GRIN2C: variants seen among roughly 807,000 people sequenced by gnomAD.
The protein encoded by GRIN2C is glutamate ionotropic receptor NMDA type subunit 2C, also known as glutamate receptor ionotropic, NMDA 2C.
In GRIN2C, 64 loss-of-function variants were observed where a neutral mutation model predicts 77.7. The observed-to-expected ratio is 0.82, with a 90% CI of 0.67 to 1.01. The LOEUF (loss-of-function observed/expected upper bound fraction) is 1.01, where lower values mean the gene tolerates loss of function less well. Among genes scored for constraint, GRIN2C ranks in the 50% least tolerant of loss-of-function variants. GRIN2C has a pLI of 0.00. For synonymous variants in GRIN2C, 792 were observed against 643.4 expected (o/e 1.23, Z -3.49); for missense variants, 1,549 against 1,486.0 (o/e 1.04, Z -0.70).
upstream of GRIN2C, among the ~76,000 whole-genome samples, chr17:74,860,257 T>G (rs1297905061): frequency 6.6e-6 from 1 of 152,228 alleles, no homozygotes; most frequent in Non-Finnish European, 1.5e-5. Flanking sequence ...GCCAGCGGAA[T>G]GGTACCCTCC....
chr17:74,858,472 C>CA (rs891198318), intron 1 of GRIN2C, among the ~76,000 whole-genome samples: 1 of 151,934 alleles, frequency 6.6e-6, no homozygotes, highest in African/African-American at 2.4e-5. Flanking sequence ...CCCTGGGCTC[C>CA]AAATAGCAAG....
chr17:74,847,425 C>G lies in GRIN2C; in HGVS notation c.1884G>C (p.Met628Ile), dbSNP rs1193235675. Reference protein sequence around the residue: ...ENPRGTTSKIMVLVWAFFAVI... With the variant: ...ENPRGTTSKIIVLVWAFFAVI... ...CAGCAAAGAAGGCCCAGACCAGAAC[C>G]ATGATCTTGCTGGTGGTGCCCCGCG... Residue 628 changes from methionine to isoleucine, a missense_variant, in exon 9 of 13, where the codon ATG becomes ATC. By Grantham distance (10) the Met-to-Ile change is conservative. Around this residue, in one of 3 missense-constraint regions of GRIN2C, gnomAD observed 717 missense variants for 858.1 expected, o/e 0.84. Transcript: ENST00000293190. This position sits in a 1 kb window ranked among gnomAD's most constrained non-coding sequence, Gnocchi z 5.2. The G allele has an allele frequency of 6.2e-7, 1 of 1,614,098 alleles. No individual in the cohort carries two copies. Among genetic ancestry groups the G allele is most frequent in the Admixed American group, 1.7e-5 (1 of 60,026 alleles).
chr17:74,860,024 C>T (rs1164277433), upstream of GRIN2C: 1 of 152,626 alleles, frequency 6.6e-6, no homozygotes, highest in East Asian at 1.9e-4. Flanking sequence ...GCCCCCACCC[C>T]CACTCCCCCA....
chr17:74,844,344 C>A lies in GRIN2C; in HGVS notation c.2515G>T (p.Val839Phe), dbSNP rs1426843961. ...ACCGAGTGGCGCAGCTTCCAGTAGACCAGGTGCTCCCAGGCGAAGACCAGC... is the reference window on the plus strand; with the variant it reads ...ACCGAGTGGCGCAGCTTCCAGTAGAACAGGTGCTCCCAGGCGAAGACCAGC... ...ALLVFAWEHL[V>F]YWKLRHSVPN... The change falls in exon 12 of 13, where the codon GTC becomes TTC. Residue 839 changes from valine (V) to phenylalanine (F), a missense_variant. Coordinates refer to ENST00000293190, the MANE Select transcript of GRIN2C (RefSeq NM_000835.6). 3 of 1,614,154 alleles carry A rather than the reference C, an allele frequency of 1.9e-6. No individual in the cohort carries two copies. In the South Asian group the frequency reaches 3.3e-5, roughly 18 times the overall value.
In GRIN2C at chr17:74,850,664, G is replaced by C; in HGVS notation, c.1217C>G (p.Ala406Gly). The C allele has an allele frequency of 6.2e-7, 1 of 1,613,668 alleles. No homozygotes were observed. The highest frequency in any genetic ancestry group is 8.5e-7 in the Non-Finnish European group (1 of 1,179,990). The change falls in exon 5 of 13, where the codon GCC becomes GGC. Residue 406 changes from alanine to glycine, a missense_variant. By Grantham distance (60) the Ala-to-Gly change is moderately conservative. This residue lies in a region of GRIN2C where 717 missense variants were observed against 858.1 expected (regional missense o/e 0.84). Coordinates refer to ENST00000293190, the MANE Select transcript of GRIN2C (RefSeq NM_000835.6). The surrounding 1 kb of genome is among the most constrained non-coding windows in gnomAD (Gnocchi z 5.3). Reference protein sequence around the residue: ...PVVDSRHLTVATLEERPFVIV... With the variant: ...PVVDSRHLTVGTLEERPFVIV... The stretch of plus-strand genomic sequence containing the variant: ...GACAAAGGGCCGCTCTTCCAGCGTG[G>C]CCACCGTCAGGTGCCGACTGTCCAC...
intron 3 of GRIN2C, 25 bp downstream of exon 3, chr17:74,851,988 C>T (rs2037660191): frequency 1.4e-6 from 2 of 1,459,922 alleles, no homozygotes; most frequent in Non-Finnish European, 1.8e-6. Context: ...ACCTCCCTAC[C>T]CCTATGCCCC....
At chr17:74,844,061 A>G (rs1418956433) in intron 12 of GRIN2C, 23 of 910,828 alleles carry the variant, frequency 2.5e-5, no homozygotes, top group Non-Finnish European at 3.4e-5. Flanking sequence ...TTCTGTAGAG[A>G]TGGGTTTTCG....
Position 74,854,762 on chromosome 17 carries a change from T to A in GRIN2C, c.331A>T (p.Ile111Phe). 6.2e-7 allele frequency: 1 copy of A among 1,613,354 alleles called. No homozygotes were observed. The highest frequency in any genetic ancestry group is 8.5e-7 in the Non-Finnish European group (1 of 1,179,488). Residue 111 changes from isoleucine to phenylalanine, a missense_variant, in exon 2 of 13, where the codon ATC (isoleucine) becomes TTC (phenylalanine). By Grantham distance (21) the Ile-to-Phe change is conservative. This residue lies in a region of GRIN2C where 382 missense variants were observed against 360.0 expected (regional missense o/e 1.06). Coordinates refer to ENST00000293190, the MANE Select transcript of GRIN2C (RefSeq NM_000835.6). ...ATGGGCACATGGGTCTGGGAGGAGATGAAGTCAAGGATCTGGGCCACCGCC... is the reference window on the plus strand; with the variant it reads ...ATGGGCACATGGGTCTGGGAGGAGAAGAAGTCAAGGATCTGGGCCACCGCC... The part of the protein sequence containing the change: ...TEAVAQILDF[I>F]SSQTHVPILS...
chr17:74,854,376 C>A (rs186811403), intron 2 of GRIN2C: 4 of 300,968 alleles, frequency 1.3e-5, no homozygotes, highest in Admixed American at 5.0e-5. Flanking sequence ...CCGGCTGGCC[C>A]TCTGGGTCTT....
intron 11 of GRIN2C, among the ~76,000 whole-genome samples, chr17:74,844,935 GTTA>G (rs201376626): frequency 9.3e-5 from 14 of 151,338 alleles, no homozygotes; most frequent in African/African-American, 2.9e-4. Flanking sequence ...TATTATTATT[GTTA>G]TTATTATTAT....
chr17:74,856,879 G>A (rs1191322927), intron 1 of GRIN2C, among the ~76,000 whole-genome samples: 1 of 152,144 alleles, frequency 6.6e-6, no homozygotes, highest in Non-Finnish European at 1.5e-5. Context: ...GCGGGGAAGT[G>A]CAAGAGGCTA....
upstream of GRIN2C, chr17:74,860,662 T>C: frequency 2.7e-6 from 1 of 366,474 alleles, no homozygotes; most frequent in South Asian, 2.0e-5. Flanking sequence ...GCTCGCCCAG[T>C]GCCCTCTCTG....
chr17:74,848,026 C>T (rs3744193), intron 7 of GRIN2C, 49 bp from the exon 8 acceptor site: 443,186 of 1,605,374 alleles, frequency 0.28, 63,198 homozygotes, highest in East Asian at 0.43. Context: ...TTCCCTGCCC[C>T]AGGCCCAGAA....
Position 74,847,238 on chromosome 17 carries a change from GC to G in GRIN2C, c.2001+69del, listed in dbSNP as rs1555614352. 1 of 1,192,646 alleles carries G rather than the reference GC, an allele frequency of 8.4e-7. No homozygotes were observed. The highest frequency in any genetic ancestry group is 1.2e-6 in the Non-Finnish European group (1 of 811,402). 73.9% of individuals were successfully genotyped at this position (1,192,646 alleles called of 1,614,324 possible). On this transcript the variant is annotated intron_variant, in intron 9 of 12. Coordinates refer to ENST00000293190, the MANE Select transcript of GRIN2C (RefSeq NM_000835.6). This position sits in a 1 kb window ranked among gnomAD's most constrained non-coding sequence, Gnocchi z 5.2. ...AATTCCCCAGACTCGACTGTCCAGG[GC>G]CTGCCCACTCACGGCCTGTCCCCAC...
chr17:74,844,780 AG>A, intron 11 of GRIN2C, among the ~76,000 whole-genome samples: 1 of 152,118 alleles, frequency 6.6e-6, no homozygotes. Flanking sequence ...CCCCCAGTAA[AG>A]GCTTGTGATT....
chr17:74,850,546 C>T lies in GRIN2C; in HGVS notation c.1325+10G>A, dbSNP rs1025363925. On this transcript the variant is annotated intron_variant, in intron 5 of 12. Coordinates refer to ENST00000293190, the MANE Select transcript of GRIN2C (RefSeq NM_000835.6). The surrounding 1 kb of genome is among the most constrained non-coding windows in gnomAD (Gnocchi z 5.3). ...CAGCTCACACTAGCCTCCCAGGGCC[C>T]TCCACAGACCTGAAGGTGTGGTTGC... is the stretch of plus-strand genomic sequence containing the variant. 1.9e-6 allele frequency: 3 copies of T among 1,612,826 alleles called. No individual in the cohort carries two copies. Among genetic ancestry groups the T allele is most frequent in the African/African-American group, 1.3e-5 (1 of 74,898 alleles).
upstream of GRIN2C, chr17:74,860,801 A>C: frequency 3.0e-6 from 1 of 331,034 alleles, no homozygotes; most frequent in South Asian, 2.4e-5. Context: ...GGCTGGGGCA[A>C]AGGAGATGGG....
Position 74,847,332 on chromosome 17 carries a change from A to G in GRIN2C, c.1977T>C (p.Thr659=). Residue 659 remains threonine (T), a synonymous_variant, in exon 9 of 13, where the codon ACT becomes ACC. Coordinates refer to ENST00000293190, the MANE Select transcript of GRIN2C (RefSeq NM_000835.6). The surrounding 1 kb of genome is among the most constrained non-coding windows in gnomAD (Gnocchi z 5.2). ...AFMIQEQYID[T]VSGLSDKKFQ... ...CCTTCTTGTCACTGAGGCCCGACAC[A>G]GTGTCGATGTATTGCTCTTGGATCA... 1.4e-6 allele frequency: 2 copies of G among 1,398,818 alleles called. No individual in the cohort carries two copies. Among genetic ancestry groups the G allele is most frequent in the Non-Finnish European group, 1.9e-6 (2 of 1,045,964 alleles). The allele number at this position is 1,398,818 out of a possible 1,614,324, so 86.7% of individuals were successfully genotyped here.
intron 1 of GRIN2C, among the ~76,000 whole-genome samples, chr17:74,856,781 C>T (rs181993828): frequency 6.6e-6 from 1 of 152,024 alleles, no homozygotes; most frequent in Non-Finnish European, 1.5e-5. Flanking sequence ...ACCCAGCTAT[C>T]TCTCTCTTTT....
Sources: gnomAD v4.1 joint callset for allele counts (sites outside exome capture counted in the v4.1 genomes callset) on GRCh38, gnomAD v4.1.1 for gene constraint, gnomAD v4.1.1 regional missense constraint, Gnocchi (gnomAD v3.1) non-coding constraint, MANE v1.5 for transcripts, NCBI Gene and HGNC (gene_info 2026-07-23, HGNC 2026-07-21) for gene names.